The following TBC1D19 variants were observed in gnomAD, a reference collection of about 807,000 sequenced individuals.
TBC1D19 encodes the protein TBC1 domain family member 19.
TBC1D19 carries 60 observed loss-of-function variants against 89.0 expected under a neutral mutation model. That is an observed-to-expected ratio of 0.67 (90% confidence interval 0.55 to 0.84). TBC1D19 has a LOEUF of 0.84. Ranked by LOEUF, TBC1D19 falls within the 40% of genes least tolerant of loss-of-function variation. TBC1D19 has a pLI of 0.00. For synonymous variants in TBC1D19, 189 were observed against 199.7 expected (o/e 0.95, Z 0.45); for missense variants, 500 against 610.8 (o/e 0.82, Z 1.91).
At chr4:26,828,411 T>C in the TBC1D19 span, among the ~76,000 whole-genome samples, 5 of 152,348 alleles carry the variant, frequency 3.3e-5, no homozygotes, top group Non-Finnish European at 7.3e-5. Context: ...GGCTGTTTCA[T>C]AGAATGTTGG....
chr4:26,807,500 G>A, the TBC1D19 span, among the ~76,000 whole-genome samples: 1 of 151,998 alleles, frequency 6.6e-6, no homozygotes, highest in African/African-American at 2.4e-5. Flanking sequence ...TATATAGATC[G>A]AGCTGCTTCA....
At chr4:26,765,383 GA>G in the TBC1D19 span, among the ~76,000 whole-genome samples, 1 of 146,832 alleles carries the variant, frequency 6.8e-6, no homozygotes, top group Non-Finnish European at 1.5e-5. Flanking sequence ...TAGATCTCCA[GA>G]AAAGAGATTG....
At chr4:26,698,025 G>A (rs1189941991) in intron 13 of TBC1D19, among the ~76,000 whole-genome samples, 1 of 152,152 alleles carries the variant, frequency 6.6e-6, no homozygotes, top group African/African-American at 2.4e-5. Flanking sequence ...AATCAGGCAG[G>A]AGAAGGAAAT....
chr4:26,773,758 A>G, the TBC1D19 span, among the ~76,000 whole-genome samples: 1 of 152,188 alleles, frequency 6.6e-6, no homozygotes, highest in African/African-American at 2.4e-5. Context: ...CAGGATTGTC[A>G]AAGATCAGAT....
At chr4:26,623,401 G>C (rs1300342712) in intron 4 of TBC1D19, among the ~76,000 whole-genome samples, 1 of 152,090 alleles carries the variant, frequency 6.6e-6, no homozygotes, top group Admixed American at 6.6e-5. Flanking sequence ...CTTCCATTTA[G>C]GTTGTTCTAA....
chr4:26,829,610 T>C, the TBC1D19 span, among the ~76,000 whole-genome samples: 2 of 152,234 alleles, frequency 1.3e-5, no homozygotes, highest in Non-Finnish European at 2.9e-5. Flanking sequence ...GAAAAAGGGA[T>C]AAATTGATCA....
At chr4:26,683,227 G>C (rs570400616) in intron 11 of TBC1D19, among the ~76,000 whole-genome samples, 105 of 152,188 alleles carry the variant, frequency 6.9e-4, no homozygotes, top group African/African-American at 2.5e-3. Flanking sequence ...GGTTTCTTGA[G>C]GTTAAATGTT....
Position 26,711,377 on chromosome 4 carries a change from TA to T in TBC1D19, c.955-6551del, listed in dbSNP as rs1392646659. ...TCATTTGAAATTTTCTAAATTTGGA[TA>T]AAAATGTAAGAGTATCACAAATGAA... On this transcript the variant is annotated intron_variant, in intron 13 of 20. Transcript: ENST00000264866. Among the ~76,000 whole-genome samples, 3 of 152,212 alleles carry T rather than the reference TA, an allele frequency of 2.0e-5. No homozygotes were observed. The East Asian group carries it at 5.8e-4, about 29-fold the overall frequency.
the TBC1D19 span, among the ~76,000 whole-genome samples, chr4:26,817,380 C>A: frequency 1.2e-3 from 177 of 152,284 alleles, no homozygotes; most frequent in African/African-American, 4.1e-3. Flanking sequence ...TTAACCAACC[C>A]CCACTAATAG....
At chr4:26,821,803 G>T in the TBC1D19 span, among the ~76,000 whole-genome samples, 35 of 152,308 alleles carry the variant, frequency 2.3e-4, no homozygotes, top group East Asian at 4.2e-3. Context: ...AGGTCAGCAG[G>T]TACCCGTTCT....
chr4:26,842,584 CT>C, the TBC1D19 span, among the ~76,000 whole-genome samples: 12,082 of 42,926 alleles, frequency 0.28, 1,050 homozygotes, highest in Non-Finnish European at 0.31. Context: ...TCCTCCCTCC[CT>C]TTCTTTCTTT....
At chr4:26,816,010 G>A in the TBC1D19 span, among the ~76,000 whole-genome samples, 1 of 152,196 alleles carries the variant, frequency 6.6e-6, no homozygotes, top group African/African-American at 2.4e-5. Flanking sequence ...TCTCTCCACA[G>A]GCCTTGTATC....
chr4:26,677,323 C>CTT (rs35553916), intron 11 of TBC1D19, among the ~76,000 whole-genome samples: 110 of 144,696 alleles, frequency 7.6e-4, no homozygotes, highest in South Asian at 1.3e-3. Context: ...CCTATAAATC[C>CTT]TTTTTTTTTT....
Position 26,604,562 on chromosome 4 carries a change from T to G in TBC1D19, c.100-8607T>G, listed in dbSNP as rs545739126. 1.9e-3 allele frequency among the ~76,000 whole-genome samples: 289 copies of G among 151,656 alleles called. 1 individual carries two copies. The highest frequency in any genetic ancestry group is 3.2e-3 in the Non-Finnish European group (220 of 67,952). On this transcript the variant is annotated intron_variant, in intron 1 of 20. Coordinates refer to ENST00000264866, the MANE Select transcript of TBC1D19 (RefSeq NM_018317.4). ...ATAGACATTTGGATTATTTCCACCT[T>G]TGGCTATTGTTAATAATGCTACTAT... is the stretch of plus-strand genomic sequence containing the variant.
chr4:26,700,082 A>C (rs1020937888), intron 13 of TBC1D19, among the ~76,000 whole-genome samples: 1 of 152,090 alleles, frequency 6.6e-6, no homozygotes, highest in African/African-American at 2.4e-5. Context: ...CAAAGAACAA[A>C]GAAAATAACA....
the TBC1D19 span, among the ~76,000 whole-genome samples, chr4:26,762,064 A>C: frequency 1.3e-5 from 2 of 152,194 alleles, no homozygotes; most frequent in African/African-American, 4.8e-5. Context: ...TGAACCTGGG[A>C]GATGAAGGTT....
intron 11 of TBC1D19, among the ~76,000 whole-genome samples, chr4:26,674,215 A>G (rs1712590945): frequency 6.6e-6 from 1 of 152,242 alleles, no homozygotes; most frequent in Non-Finnish European, 1.5e-5. Flanking sequence ...ATGTTAGACT[A>G]CGGAGAAATA....
At chr4:26,720,859 G>A (rs1233811665) in intron 15 of TBC1D19, among the ~76,000 whole-genome samples, 1 of 152,050 alleles carries the variant, frequency 6.6e-6, no homozygotes, top group African/African-American at 2.4e-5. Context: ...TGTACCATGT[G>A]GATAATAGAT....
Position 26,747,566 on chromosome 4 carries a change from A to C in TBC1D19, c.1320-845A>C, listed in dbSNP as rs148329431. 8.6e-4 allele frequency among the ~76,000 whole-genome samples: 131 copies of C among 152,312 alleles called. 1 individual carries two copies. The highest frequency in any genetic ancestry group is 3.0e-3 in the African/African-American group (124 of 41,574). On this transcript the variant is annotated intron_variant, in intron 18 of 20. Coordinates refer to ENST00000264866, the MANE Select transcript of TBC1D19 (RefSeq NM_018317.4). ...TTTCTGTCTTTTAAGAGAATAGCAC[A>C]GATGTTTATTGACAAAATATGATAA...
Sources: allele counts gnomAD v4.1 joint callset (sites outside exome capture counted in the v4.1 genomes callset), GRCh38; gene constraint gnomAD v4.1.1; transcripts MANE v1.5; gene names NCBI Gene and HGNC (gene_info 2026-07-23, HGNC 2026-07-21).